The following IL17RD variants were observed in gnomAD, a reference collection of about 807,000 sequenced individuals.
IL17RD encodes the protein interleukin 17 receptor D, also known as interleukin-17 receptor D.
Under a neutral mutation model 80.5 loss-of-function variants are expected in IL17RD, and 52 were observed. That is an observed-to-expected ratio of 0.65 (90% CI 0.52 to 0.81). The LOEUF (loss-of-function observed/expected upper bound fraction) is 0.81, where lower values mean the gene tolerates loss of function less well. Ranked by LOEUF, IL17RD falls within the 40% of genes least tolerant of loss-of-function variation. IL17RD has a pLI of 0.00. For synonymous variants in IL17RD, 416 were observed against 391.8 expected, an observed-to-expected ratio of 1.06 and a Z score of -0.73; for missense variants, 1,024 against 955.1, an observed-to-expected ratio of 1.07 and a Z score of -0.95.
upstream of IL17RD, among the ~76,000 whole-genome samples, chr3:57,166,035 C>T (rs935233253): frequency 3.3e-5 from 5 of 152,160 alleles, no homozygotes; most frequent in Admixed American, 1.3e-4. Flanking sequence ...CCAATCCAGA[C>T]CTGACTAAAA....
intron 12 of IL17RD, 84 bp downstream of exon 12, chr3:57,097,512 A>T: frequency 8.8e-7 from 1 of 1,132,952 alleles, no homozygotes. Context: ...AGTTGGCACC[A>T]AAAGTGGAAA....
At chr3:57,166,546 C>A (rs1389175907), upstream of IL17RD, among the ~76,000 whole-genome samples, 3 of 146,756 alleles carry the variant, frequency 2.0e-5, no homozygotes, top group Admixed American at 6.8e-5. Context: ...CCTACCACCA[C>A]CACCACCAAC....
upstream of IL17RD, among the ~76,000 whole-genome samples, chr3:57,167,651 C>A (rs2060354024): frequency 6.6e-6 from 1 of 152,180 alleles, no homozygotes; most frequent in Non-Finnish European, 1.5e-5. Context: ...AATACCCTAA[C>A]ACACTTACCT....
At chr3:57,146,132 G>T (rs13434271) in intron 1 of IL17RD, among the ~76,000 whole-genome samples, 1 of 152,038 alleles carries the variant, frequency 6.6e-6, no homozygotes, top group Non-Finnish European at 1.5e-5. Context: ...AGTACAAATA[G>T]AATTTCCATG....
rs1489820342 is a variant in IL17RD, at chr3:57,165,257, G to A, written c.30C>T (p.Val10=). 5.2e-6 allele frequency: 8 copies of A among 1,525,118 alleles called. No homozygotes were observed. In the Admixed American group the frequency reaches 1.6e-4, roughly 31 times the overall value. The allele number at this position is 1,525,118 out of a possible 1,614,324, so 94.5% of individuals were successfully genotyped here. The change falls in exon 1 of 13, where the codon GTC becomes GTT. Residue 10 remains valine (V), a synonymous_variant. Transcript: ENST00000296318. Reference sequence around the variant, plus strand: ...TGAGGCAGGCGTTGACCGTAAAGAAGACGGAGCAGAGCTGCAGCCACGGGG... The same window carrying A: ...TGAGGCAGGCGTTGACCGTAAAGAAAACGGAGCAGAGCTGCAGCCACGGGG... MAPWLQLCS[V]FFTVNACLNG...
At chr3:57,101,771 T>C (rs1706836864) in intron 10 of IL17RD, among the ~76,000 whole-genome samples, 1 of 152,212 alleles carries the variant, frequency 6.6e-6, no homozygotes, top group African/African-American at 2.4e-5. Context: ...TACATAAATC[T>C]TAAGTGTACA....
chr3:57,136,954 T>A (rs1405060542), intron 1 of IL17RD, among the ~76,000 whole-genome samples: 3 of 152,210 alleles, frequency 2.0e-5, no homozygotes, highest in African/African-American at 7.2e-5. Context: ...CACTGAGCTC[T>A]ATGTGTAATA....
intron 5 of IL17RD, among the ~76,000 whole-genome samples, chr3:57,108,158 C>T (rs1707007664): frequency 6.6e-6 from 1 of 151,738 alleles, no homozygotes; most frequent in South Asian, 2.1e-4. Flanking sequence ...CTCCCGAGTT[C>T]AAGTGATTCT....
chr3:57,123,078 C>T (rs2107502009), intron 1 of IL17RD, among the ~76,000 whole-genome samples: 2 of 152,242 alleles, frequency 1.3e-5, no homozygotes, highest in East Asian at 1.9e-4. Flanking sequence ...ATTCAAGAAC[C>T]TAAATCCCTC....
At chr3:57,163,208 C>G (rs1024846099) in intron 1 of IL17RD, among the ~76,000 whole-genome samples, 3 of 152,154 alleles carry the variant, frequency 2.0e-5, no homozygotes, top group African/African-American at 7.2e-5. Context: ...GAGGCCTCTA[C>G]GATCGTCCAG....
chr3:57,135,244 A>G (rs1184862166), intron 1 of IL17RD, among the ~76,000 whole-genome samples: 3 of 152,216 alleles, frequency 2.0e-5, no homozygotes, highest in African/African-American at 7.2e-5. Flanking sequence ...TTCCTGGAGC[A>G]CTGAGGAGGT....
In IL17RD at chr3:57,096,086, C is replaced by T; in HGVS notation, c.*307G>A. On this transcript the variant is annotated 3_prime_UTR_variant, in exon 13 of 13. Coordinates refer to ENST00000296318, the MANE Select transcript of IL17RD (RefSeq NM_017563.5). ...TTAGTGCAGGTATCTTCCTGTTTTT[C>T]TTTACATATTTCCTCCCTACCTCCC... 2 of 318,220 alleles carry T rather than the reference C, an allele frequency of 6.3e-6. No homozygotes were observed. The highest frequency in any genetic ancestry group is 1.2e-5 in the Non-Finnish European group (2 of 168,958). The allele number at this position is 318,220 out of a possible 1,614,324, so 19.7% of individuals were successfully genotyped here.
intron 1 of IL17RD, among the ~76,000 whole-genome samples, chr3:57,163,209 G>A (rs965214474): frequency 2.0e-5 from 3 of 152,194 alleles, no homozygotes; most frequent in Non-Finnish European, 2.9e-5. Flanking sequence ...AGGCCTCTAC[G>A]ATCGTCCAGG....
intron 1 of IL17RD, among the ~76,000 whole-genome samples, chr3:57,149,981 A>C (rs1444629276): frequency 6.6e-6 from 1 of 152,204 alleles, no homozygotes; most frequent in African/African-American, 2.4e-5. Context: ...CCACTGCTAT[A>C]ATCAGTATAC....
At chr3:57,105,552 A>AAAATATATATATATATATAT in intron 7 of IL17RD, among the ~76,000 whole-genome samples, 35 of 63,558 alleles carry the variant, frequency 5.5e-4, no homozygotes, top group South Asian at 3.1e-3. Context: ...AAAAAAAAAA[A>AAAATATATATATATATATAT]ATATATATAT....
intron 2 of IL17RD, among the ~76,000 whole-genome samples, chr3:57,119,781 A>C (rs1234088445): frequency 6.6e-6 from 1 of 152,076 alleles, no homozygotes; most frequent in Non-Finnish European, 1.5e-5. Flanking sequence ...AAAAAGCACA[A>C]ATTTCTCACT....
intron 5 of IL17RD, 80 bp downstream of exon 5, chr3:57,109,457 T>C: frequency 6.5e-7 from 1 of 1,531,636 alleles, no homozygotes. Context: ...GGCACGTTCT[T>C]GAACACATTT....
intron 1 of IL17RD, among the ~76,000 whole-genome samples, chr3:57,152,339 G>A (rs778796897): frequency 3.3e-5 from 5 of 152,196 alleles, no homozygotes; most frequent in African/African-American, 1.2e-4. Flanking sequence ...GCCACAGAGG[G>A]GACTGTGGAC....
chr3:57,136,270 C>G (rs150502555), intron 1 of IL17RD, among the ~76,000 whole-genome samples: 1 of 152,230 alleles, frequency 6.6e-6, no homozygotes, highest in East Asian at 1.9e-4. Context: ...ACGGTAAATT[C>G]CATTTTGTGA....
Sources: gnomAD v4.1 joint callset for allele counts (sites outside exome capture counted in the v4.1 genomes callset) on GRCh38, gnomAD v4.1.1 for gene constraint, MANE v1.5 for transcripts, NCBI Gene and HGNC (gene_info 2026-07-23, HGNC 2026-07-21) for gene names.